CSMD1: variants seen among roughly 807,000 people sequenced by gnomAD.
CSMD1 encodes CUB and Sushi multiple domains 1, also known as CUB and sushi domain-containing protein 1.
Under a neutral mutation model 417.5 loss-of-function variants are expected in CSMD1, and 213 were observed. The observed-to-expected ratio is 0.51, with a 90% CI of 0.46 to 0.57. CSMD1 has a LOEUF of 0.57. Ranked by LOEUF, CSMD1 falls within the 20% of genes least tolerant of loss-of-function variation. CSMD1 has a pLI of 0.00. For synonymous variants in CSMD1, 2,862 were observed against 1,736.8 expected, an observed-to-expected ratio of 1.65 and a Z score of -16.11; for missense variants, 6,923 against 4,529.7, an observed-to-expected ratio of 1.53 and a Z score of -15.17.
intron 5 of CSMD1, among the ~76,000 whole-genome samples, chr8:3,906,894 C>A (rs535897683): frequency 6.6e-6 from 1 of 152,298 alleles, no homozygotes; most frequent in South Asian, 2.1e-4. Context: ...TTCTAGGCAG[C>A]TCCAACATTA....
intron 3 of CSMD1, among the ~76,000 whole-genome samples, chr8:4,292,770 C>A (rs1164596439): frequency 6.6e-6 from 1 of 152,116 alleles, no homozygotes; most frequent in Non-Finnish European, 1.5e-5. Flanking sequence ...GAATATTAAA[C>A]ACAATCTTCA....
chr8:3,137,663 T>C (rs982094057), intron 41 of CSMD1, among the ~76,000 whole-genome samples: 2 of 152,234 alleles, frequency 1.3e-5, no homozygotes, highest in African/African-American at 4.8e-5. Context: ...CATCTCTAAA[T>C]TTCTTATAAT....
At position 4,811,286 on chromosome 8, in the gene CSMD1, T is replaced by C. The variant is rs567569010; in HGVS notation, c.86-173728A>G. On this transcript the variant is annotated intron_variant, in intron 1 of 69. Coordinates refer to ENST00000635120, the MANE Select transcript of CSMD1 (RefSeq NM_033225.6). ...ATTTAACCTGCTTAAATTAGGAATG[T>C]CAAACCTAGTATTAATTGGGAATAT... Among the ~76,000 whole-genome samples the C allele has an allele frequency of 3.3e-5, 5 of 152,318 alleles. No individual in the cohort carries two copies. The East Asian group carries it at 9.6e-4, about 29-fold the overall frequency.
At chr8:3,184,920 C>G (rs1012369514) in intron 36 of CSMD1, among the ~76,000 whole-genome samples, 3 of 152,240 alleles carry the variant, frequency 2.0e-5, no homozygotes, top group Non-Finnish European at 4.4e-5. Context: ...GCTCCAAAAT[C>G]TAGCCTAAGT....
intron 1 of CSMD1, among the ~76,000 whole-genome samples, chr8:4,910,215 T>C (rs1298304982): frequency 2.0e-5 from 3 of 152,228 alleles, no homozygotes; most frequent in African/African-American, 7.2e-5. Context: ...GACTAAATTA[T>C]TATTCATCTT....
intron 49 of CSMD1, among the ~76,000 whole-genome samples, chr8:3,085,101 C>A (rs910850211): frequency 1.1e-4 from 16 of 151,990 alleles, no homozygotes; most frequent in African/African-American, 3.9e-4. Flanking sequence ...TTTCTTCTGG[C>A]AAGGAAAATT....
chr8:4,272,023 G>A (rs1320319768), intron 3 of CSMD1, among the ~76,000 whole-genome samples: 4 of 152,014 alleles, frequency 2.6e-5, no homozygotes, highest in African/African-American at 9.7e-5. Flanking sequence ...TTCCATCCAT[G>A]TTTGGTTGAA....
chr8:4,608,653 T>C (rs1393758212), intron 2 of CSMD1, among the ~76,000 whole-genome samples: 1 of 152,218 alleles, frequency 6.6e-6, no homozygotes. Flanking sequence ...TTAATCACCG[T>C]TTATTAAGCA....
At chr8:4,587,897 T>C (rs1799784756) in intron 2 of CSMD1, among the ~76,000 whole-genome samples, 1 of 152,214 alleles carries the variant, frequency 6.6e-6, no homozygotes, top group African/African-American at 2.4e-5. Flanking sequence ...CTTTAAAAAC[T>C]GAAGTGTGAA....
At chr8:4,197,932 A>T (rs140097802) in intron 3 of CSMD1, among the ~76,000 whole-genome samples, 9 of 152,296 alleles carry the variant, frequency 5.9e-5, no homozygotes, top group Non-Finnish European at 2.9e-5. Flanking sequence ...TCATTTAGTA[A>T]TTCTGTACAC....
intron 26 of CSMD1, among the ~76,000 whole-genome samples, chr8:3,253,252 G>T (rs570555108): frequency 6.6e-6 from 1 of 152,090 alleles, no homozygotes; most frequent in African/African-American, 2.4e-5. Flanking sequence ...TGGTTTCAAA[G>T]AACATCTTTA....
chr8:3,141,799 T>TG (rs1203671796), intron 41 of CSMD1, among the ~76,000 whole-genome samples: 21 of 54,416 alleles, frequency 3.9e-4, no homozygotes, highest in African/African-American at 9.0e-4. Context: ...CGCCAAATTA[T>TG]CTTTTTTTTT....
intron 17 of CSMD1, among the ~76,000 whole-genome samples, chr8:3,393,067 C>A (rs1333976344): frequency 6.6e-6 from 1 of 152,194 alleles, no homozygotes; most frequent in Non-Finnish European, 1.5e-5. Context: ...TTCAAATACA[C>A]AGCGACTGAT....
At chr8:3,307,376 C>T (rs775959297) in intron 25 of CSMD1, among the ~76,000 whole-genome samples, 5 of 151,394 alleles carry the variant, frequency 3.3e-5, no homozygotes, top group Admixed American at 6.6e-5. Flanking sequence ...GGCAGTCTCA[C>T]GCAGATCAGA....
chr8:4,248,593 G>A (rs1227684172), intron 3 of CSMD1, among the ~76,000 whole-genome samples: 1 of 152,080 alleles, frequency 6.6e-6, no homozygotes, highest in Admixed American at 6.6e-5. Context: ...TCAAATCTGT[G>A]TTCAAATATG....
At chr8:4,411,562 C>A (rs1796650700) in intron 3 of CSMD1, among the ~76,000 whole-genome samples, 1 of 152,108 alleles carries the variant, frequency 6.6e-6, no homozygotes, top group African/African-American at 2.4e-5. Context: ...TTAATTTTTT[C>A]TGTGCTCATT....
At chr8:4,824,610 G>C (rs145841724) in intron 1 of CSMD1, among the ~76,000 whole-genome samples, 2 of 152,140 alleles carry the variant, frequency 1.3e-5, no homozygotes, top group Admixed American at 1.3e-4. Context: ...ATTAGTTGAT[G>C]AGGTCTGTGT....
At chr8:4,935,421 G>T (rs889456511) in intron 1 of CSMD1, among the ~76,000 whole-genome samples, 1 of 152,238 alleles carries the variant, frequency 6.6e-6, no homozygotes, top group East Asian at 1.9e-4. Context: ...TGAAGTTACC[G>T]GTTCATTTCT....
intron 3 of CSMD1, among the ~76,000 whole-genome samples, chr8:4,168,784 C>G (rs924877901): frequency 2.6e-5 from 4 of 151,692 alleles, no homozygotes; most frequent in African/African-American, 7.3e-5. Context: ...CAATAAAACT[C>G]TCCTCTTCCC....
Sources: gnomAD v4.1 joint callset for allele counts (sites outside exome capture counted in the v4.1 genomes callset) on GRCh38, gnomAD v4.1.1 for gene constraint, MANE v1.5 for transcripts, NCBI Gene and HGNC (gene_info 2026-07-23, HGNC 2026-07-21) for gene names.